The following DISP1 variants were observed in gnomAD, a reference collection of about 807,000 sequenced individuals.
The protein encoded by DISP1 is protein dispatched homolog 1.
DISP1 carries 30 observed loss-of-function variants against 37.3 expected under a neutral mutation model. The ratio of observed to expected loss-of-function variants is 0.80; its 90% CI spans 0.60 to 1.09. The LOEUF is 1.09. Among genes scored for constraint, DISP1 ranks in the 50% least tolerant of loss-of-function variants. DISP1 has a pLI of 0.00. For synonymous variants in DISP1, 634 were observed against 690.2 expected (o/e 0.92, Z 1.28); for missense variants, 1,598 against 1,879.5 (o/e 0.85, Z 2.77).
chr1:222,905,015 G>A (rs1671821820), intron 1 of DISP1, among the ~76,000 whole-genome samples: 1 of 151,974 alleles, frequency 6.6e-6, no homozygotes, highest in African/African-American at 2.4e-5. Context: ...ATTTATTTCA[G>A]GACTGGTTTT....
At chr1:222,865,050 T>C (rs1236415730) in intron 1 of DISP1, among the ~76,000 whole-genome samples, 2 of 152,006 alleles carry the variant, frequency 1.3e-5, no homozygotes, top group African/African-American at 4.8e-5. Flanking sequence ...TGTTTTTTTT[T>C]CCTTAAACCT....
At chr1:222,927,041 G>A (rs1673125035) in intron 1 of DISP1, among the ~76,000 whole-genome samples, 1 of 151,902 alleles carries the variant, frequency 6.6e-6, no homozygotes, top group Middle Eastern at 3.4e-3. Context: ...AGGATCAACT[G>A]TACTGGGAGT....
At chr1:222,995,125 T>C (rs1678966285) in intron 8 of DISP1, 143 bp downstream of exon 8, 1 of 680,268 alleles carries the variant, frequency 1.5e-6, no homozygotes, top group Non-Finnish European at 2.6e-6. Flanking sequence ...GCAGGCCAGC[T>C]TTGCATTCTT....
chr1:222,918,356 G>A (rs528726481), intron 1 of DISP1, among the ~76,000 whole-genome samples: 2 of 152,320 alleles, frequency 1.3e-5, no homozygotes, highest in African/African-American at 2.4e-5. Context: ...TTAATTTTGG[G>A]CACAAGTCAT....
intron 1 of DISP1, among the ~76,000 whole-genome samples, chr1:222,838,753 AGAGT>A (rs1667408224): frequency 6.6e-6 from 1 of 152,270 alleles, no homozygotes; most frequent in South Asian, 2.1e-4. Flanking sequence ...CTTGTGCAAC[AGAGT>A]GAGACTGTGT....
intron 1 of DISP1, among the ~76,000 whole-genome samples, chr1:222,887,793 C>A (rs1051235362): frequency 6.6e-6 from 1 of 151,150 alleles, no homozygotes; most frequent in Non-Finnish European, 1.5e-5. Context: ...CCACCGCGCC[C>A]GGCCTGTTTT....
intron 1 of DISP1, among the ~76,000 whole-genome samples, chr1:222,840,323 C>CT (rs988043231): frequency 1.1e-4 from 16 of 152,064 alleles, no homozygotes; most frequent in Admixed American, 3.9e-4. Flanking sequence ...CTTACTGCAA[C>CT]TTTTGCCTCC....
rs546703467 is a variant in DISP1 at position 222,828,777 on chromosome 1, A to T, written c.-159+13699A>T. 3.1e-4 allele frequency among the ~76,000 whole-genome samples: 47 copies of T among 152,316 alleles called. 1 individual carries two copies. Among genetic ancestry groups the T allele is most frequent in the African/African-American group, 1.1e-3 (45 of 41,568 alleles). The stretch of plus-strand genomic sequence containing the variant: ...CCTCTCTAGACTTGTACTTTTTAAA[A>T]AATTATTTCTGCCCTTGGAGCATTT... On this transcript the variant is annotated intron_variant, in intron 1 of 8. Coordinates refer to ENST00000675850, the MANE Select transcript of DISP1 (RefSeq NM_001377229.1).
At chr1:222,958,714 C>T (rs149195368) in intron 3 of DISP1, among the ~76,000 whole-genome samples, 10 of 152,194 alleles carry the variant, frequency 6.6e-5, no homozygotes, top group African/African-American at 2.2e-4. Flanking sequence ...AATTCTTCGT[C>T]ATTGTGAATT....
At position 222,936,981 on chromosome 1, in the gene DISP1, A is replaced by T. The variant is rs1558340619; in HGVS notation, c.-17-5826A>T. Among the ~76,000 whole-genome samples, 3 of 91,910 alleles carry T rather than the reference A, an allele frequency of 3.3e-5. No homozygotes were observed. The Admixed American group carries it at 4.7e-4, about 14-fold the overall frequency. 60.3% of individuals were successfully genotyped at this position (91,910 alleles called of 152,430 possible). A position where few individuals can be genotyped will look rare whatever the true frequency, so the allele number is the denominator to read the frequency against. On this transcript the variant is annotated intron_variant, in intron 2 of 8. Coordinates refer to ENST00000675850, the MANE Select transcript of DISP1 (RefSeq NM_001377229.1). Reference sequence around the variant, plus strand: ...ATATTATTTATAAATAATATTTTATAATATATATAATATTATATAATATAG... The same window carrying T: ...ATATTATTTATAAATAATATTTTATTATATATATAATATTATATAATATAG...
chr1:222,839,428 A>G (rs745997225), intron 1 of DISP1, among the ~76,000 whole-genome samples: 1 of 152,182 alleles, frequency 6.6e-6, no homozygotes, highest in Non-Finnish European at 1.5e-5. Context: ...CCACTTATCT[A>G]TAGCCTTTTC....
rs116310302 is a variant in DISP1 at position 223,004,180 on chromosome 1, A to G, written c.2783A>G (p.Gln928Arg). The G allele has an allele frequency of 5.9e-4, 957 of 1,614,208 alleles. 2 individuals are homozygous for G. In the African/African-American group the frequency reaches 0.01, roughly 18 times the overall value. The change falls in exon 9 of 9, where the codon CAG (glutamine) becomes CGG (arginine). Residue 928 changes from glutamine to arginine, a missense_variant. Transcript: ENST00000675850. The surrounding 1 kb of genome is among the most constrained non-coding windows in gnomAD (Gnocchi z 4.9). ...DTIRAVVLEF[Q>R]STYLFTLAYE... The stretch of plus-strand genomic sequence containing the variant: ...ATCAGGGCAGTGGTGTTAGAGTTCC[A>G]GAGTACCTACCTCTTCACACTGGCT...
At chr1:222,878,586 A>G (rs1364192580) in intron 1 of DISP1, among the ~76,000 whole-genome samples, 1 of 152,150 alleles carries the variant, frequency 6.6e-6, no homozygotes. Flanking sequence ...CCAAGGCCCC[A>G]TGTTCTGTAT....
chr1:223,005,895 A>G lies in DISP1; in HGVS notation c.4498A>G (p.Asn1500Asp), dbSNP rs775781701. The G allele has an allele frequency of 6.2e-7, 1 of 1,614,222 alleles. No individual in the cohort carries two copies. Among genetic ancestry groups the G allele is most frequent in the South Asian group, 1.1e-5 (1 of 91,086 alleles). Residue 1500 changes from asparagine to aspartate, a missense_variant, in exon 9 of 9, where the codon AAC becomes GAC. Asn to Asp is a conservative substitution (Grantham distance 23). Transcript: ENST00000675850. Reference protein sequence around the residue: ...KCNSVDCQMPNMEANVPAVLT... With the variant: ...KCNSVDCQMPDMEANVPAVLT... ...CAATTCTGTGGACTGTCAAATGCCA[A>G]ACATGGAAGCCAATGTGCCTGCTGT...
chr1:222,858,205 A>G (rs1183251264), intron 1 of DISP1, among the ~76,000 whole-genome samples: 1 of 152,218 alleles, frequency 6.6e-6, no homozygotes, highest in Non-Finnish European at 1.5e-5. Context: ...CCTATTTAAT[A>G]AATGGTGCTG....
At chr1:222,872,510 C>G (rs1270650987) in intron 1 of DISP1, 1 of 151,960 alleles carries the variant, frequency 6.6e-6, no homozygotes, top group Non-Finnish European at 1.5e-5. Context: ...CTGGTTTAGT[C>G]TTGGGAGAGT....
chr1:222,831,244 A>G (rs1665664592), intron 1 of DISP1, among the ~76,000 whole-genome samples: 1 of 152,124 alleles, frequency 6.6e-6, no homozygotes, highest in Admixed American at 6.5e-5. Flanking sequence ...TTAAGTTACT[A>G]CCCCATTTTA....
intron 1 of DISP1, among the ~76,000 whole-genome samples, chr1:222,847,480 A>G (rs1205445756): frequency 6.6e-6 from 1 of 152,236 alleles, no homozygotes; most frequent in Admixed American, 6.5e-5. Context: ...GTGTATGTGC[A>G]TATACACACA....
At chr1:222,817,926 C>A (rs190127468) in intron 1 of DISP1, among the ~76,000 whole-genome samples, 5 of 152,294 alleles carry the variant, frequency 3.3e-5, no homozygotes, top group Non-Finnish European at 5.9e-5. Context: ...AATACTAAAT[C>A]ATAATTTGTT....
Sources: gnomAD v4.1 joint callset for allele counts (sites outside exome capture counted in the v4.1 genomes callset) on GRCh38, gnomAD v4.1.1 for gene constraint, Gnocchi (gnomAD v3.1) non-coding constraint, MANE v1.5 for transcripts, NCBI Gene and HGNC (gene_info 2026-07-23, HGNC 2026-07-21) for gene names.